RSPO2: variants seen among roughly 807,000 people sequenced by gnomAD.
RSPO2 encodes the protein R-spondin-2.
In RSPO2, 14 loss-of-function variants were observed where a neutral mutation model predicts 30.9. That is an observed-to-expected ratio of 0.45 (90% CI 0.30 to 0.71). The LOEUF is 0.71. RSPO2 is among the 30% of genes least tolerant of loss of function. The pLI is 0.08. For synonymous variants in RSPO2, 107 were observed against 96.4 expected, an observed-to-expected ratio of 1.11 and a Z score of -0.64; for missense variants, 264 against 301.9, an observed-to-expected ratio of 0.87 and a Z score of 0.93.
chr8:107,970,523 T>A (rs1563544318), intron 3 of RSPO2, among the ~76,000 whole-genome samples: 1 of 152,166 alleles, frequency 6.6e-6, no homozygotes. Flanking sequence ...TGGGGAGGCA[T>A]AGTGATGTCT....
At chr8:108,054,607 T>C (rs978469728) in intron 2 of RSPO2, among the ~76,000 whole-genome samples, 1 of 152,178 alleles carries the variant, frequency 6.6e-6, no homozygotes, top group East Asian at 1.9e-4. Flanking sequence ...CAGTGTTCTC[T>C]GCCACAGGAA....
intron 2 of RSPO2, among the ~76,000 whole-genome samples, chr8:108,057,242 TCAGTAAGA>T (rs1812284048): frequency 1.3e-5 from 2 of 152,140 alleles, no homozygotes; most frequent in Admixed American, 1.3e-4. Flanking sequence ...GTCATCAAAA[TCAGTAAGA>T]ATATATACTT....
At chr8:107,928,848 C>A (rs1382781496) in intron 5 of RSPO2, among the ~76,000 whole-genome samples, 1 of 152,098 alleles carries the variant, frequency 6.6e-6, no homozygotes, top group Non-Finnish European at 1.5e-5. Context: ...CGGTTCATGG[C>A]GTATTGTGAG....
At chr8:107,975,694 G>C (rs1814181693) in intron 3 of RSPO2, among the ~76,000 whole-genome samples, 1 of 152,220 alleles carries the variant, frequency 6.6e-6, no homozygotes, top group Non-Finnish European at 1.5e-5. Context: ...CCAAGGCCTT[G>C]ACTGGCTGGC....
rs138578862 is a variant in RSPO2 at position 108,065,037 on chromosome 8, G to C, written c.94+17508C>G. 9.6e-3 allele frequency among the ~76,000 whole-genome samples: 1,458 copies of C among 152,054 alleles called. 9 individuals are homozygous for C. Among genetic ancestry groups the C allele is most frequent in the Non-Finnish European group, 0.015 (1,038 of 68,000 alleles). On this transcript the variant is annotated intron_variant, in intron 2 of 5. Transcript: ENST00000276659. ...GGCCTGTTGTGGGGTGGGGAGAAGG[G>C]GGAGGGATAGCATTAGGATATATAC...
At chr8:108,013,970 C>T (rs1304032666) in intron 2 of RSPO2, among the ~76,000 whole-genome samples, 1 of 152,092 alleles carries the variant, frequency 6.6e-6, no homozygotes, top group Non-Finnish European at 1.5e-5. Context: ...GGGCTAATAT[C>T]CAGAATCTAC....
At chr8:107,991,515 C>G (rs7818305) in intron 2 of RSPO2, among the ~76,000 whole-genome samples, 18,821 of 151,952 alleles carry the variant, frequency 0.12, 1,545 homozygotes, top group Middle Eastern at 0.31. Flanking sequence ...GATAAAGATG[C>G]CAAAAGCAAT....
intron 5 of RSPO2, among the ~76,000 whole-genome samples, chr8:107,947,881 C>T (rs1417123776): frequency 1.3e-5 from 2 of 152,230 alleles, no homozygotes; most frequent in African/African-American, 2.4e-5. Context: ...ACAAATTCTG[C>T]GTTTCGGCCA....
chr8:108,056,488 T>C (rs1812247865), intron 2 of RSPO2, among the ~76,000 whole-genome samples: 1 of 150,474 alleles, frequency 6.6e-6, no homozygotes, highest in African/African-American at 2.5e-5. Flanking sequence ...GCAGGCCTGG[T>C]GGTACACATC....
chr8:108,013,116 C>T (rs1810759611), intron 2 of RSPO2, among the ~76,000 whole-genome samples: 1 of 152,174 alleles, frequency 6.6e-6, no homozygotes, highest in Non-Finnish European at 1.5e-5. Flanking sequence ...GATCTGGCAT[C>T]TACAAATTTA....
chr8:107,992,287 A>G (rs1244958820), intron 2 of RSPO2, among the ~76,000 whole-genome samples: 3 of 152,098 alleles, frequency 2.0e-5, no homozygotes, highest in Non-Finnish European at 2.9e-5. Context: ...CATTATCCTT[A>G]GCAAACTAAC....
At chr8:108,031,513 G>T (rs770460629) in intron 2 of RSPO2, among the ~76,000 whole-genome samples, 1 of 152,078 alleles carries the variant, frequency 6.6e-6, no homozygotes, top group Admixed American at 6.6e-5. Flanking sequence ...AAAACTTTAC[G>T]TTTGCAAAAG....
intron 2 of RSPO2, among the ~76,000 whole-genome samples, chr8:108,082,294 G>T (rs2130743214): frequency 6.6e-6 from 1 of 152,320 alleles, no homozygotes; most frequent in Middle Eastern, 3.4e-3. Flanking sequence ...ACTTAGCCCT[G>T]AGCGCCCGAT....
intron 2 of RSPO2, among the ~76,000 whole-genome samples, chr8:108,048,402 G>A (rs1387854817): frequency 2.6e-5 from 4 of 151,284 alleles, no homozygotes; most frequent in African/African-American, 9.7e-5. Flanking sequence ...AAGTAATCTC[G>A]TGATTCTTAC....
At chr8:107,908,575 T>TA (rs1563744398) in intron 5 of RSPO2, among the ~76,000 whole-genome samples, 2 of 152,148 alleles carry the variant, frequency 1.3e-5, no homozygotes, top group African/African-American at 4.8e-5. Flanking sequence ...GATGGTTTTT[T>TA]AAAACAATGT....
intron 2 of RSPO2, among the ~76,000 whole-genome samples, chr8:108,072,126 G>A (rs1812865039): frequency 6.6e-6 from 1 of 152,064 alleles, no homozygotes; most frequent in Non-Finnish European, 1.5e-5. Flanking sequence ...GATTGCAGAG[G>A]AGGTCTGCCA....
At chr8:107,937,358 T>C (rs1447070282) in intron 5 of RSPO2, among the ~76,000 whole-genome samples, 1 of 152,156 alleles carries the variant, frequency 6.6e-6, no homozygotes, top group Non-Finnish European at 1.5e-5. Context: ...TGTGTCTGTT[T>C]TTACAGCAAT....
chr8:108,078,087 A>T lies in RSPO2; in HGVS notation c.94+4458T>A, dbSNP rs538120062. Among the ~76,000 whole-genome samples the T allele has an allele frequency of 2.4e-4, 37 of 152,288 alleles. 1 individual carries two copies. The Middle Eastern group carries it at 0.01, about 42-fold the overall frequency. ...AGGTGGTTTTGCATTAGGGAACTAG[A>T]AGTGTCATTTCCAACTTGTGATTTC... On this transcript the variant is annotated intron_variant, in intron 2 of 5. Transcript: ENST00000276659.
chr8:107,960,890 T>C, intron 3 of RSPO2, 73 bp from the exon 4 acceptor site: 1 of 1,178,438 alleles, frequency 8.5e-7, no homozygotes, highest in Non-Finnish European at 1.2e-6. Context: ...ATAAAATTTT[T>C]GTAAACTCAC....
Sources: gnomAD v4.1 joint callset for allele counts (sites outside exome capture counted in the v4.1 genomes callset) on GRCh38, gnomAD v4.1.1 for gene constraint, MANE v1.5 for transcripts, NCBI Gene and HGNC (gene_info 2026-07-23, HGNC 2026-07-21) for gene names.